The following ERC1 variants were observed in gnomAD, a reference collection of about 807,000 sequenced individuals.
The protein encoded by ERC1 is RAB6 interacting protein 2.
ERC1 carries 56 observed loss-of-function variants against 132.0 expected under a neutral mutation model. That is an observed-to-expected ratio of 0.42 (90% CI 0.34 to 0.53). The LOEUF (loss-of-function observed/expected upper bound fraction) is 0.53, where lower values mean the gene tolerates loss of function less well. Ranked by LOEUF, ERC1 falls within the 20% of genes least tolerant of loss-of-function variation. The pLI is 0.03. For missense variants in ERC1, 1,202 were observed against 1,349.9 expected (o/e 0.89, Z 1.72); for synonymous variants, 478 against 476.1 (o/e 1.00, Z -0.05).
chr12:1,374,201 C>T (rs941142798), intron 16 of ERC1, among the ~76,000 whole-genome samples: 2 of 152,210 alleles, frequency 1.3e-5, no homozygotes, highest in Non-Finnish European at 2.9e-5. Flanking sequence ...AGGCTATTTC[C>T]TAACAGGGAA....
chr12:994,274 CAT>C (rs1960329970), intron 1 of ERC1, among the ~76,000 whole-genome samples: 3 of 152,010 alleles, frequency 2.0e-5, no homozygotes, highest in Admixed American at 6.5e-5. Context: ...TTTTCAGAGA[CAT>C]ATAGTAAAAT....
At chr12:1,485,527 G>A (rs566993728) in intron 18 of ERC1, among the ~76,000 whole-genome samples, 1 of 151,972 alleles carries the variant, frequency 6.6e-6, no homozygotes, top group East Asian at 1.9e-4. Context: ...ATGAAATTGG[G>A]TATTATTTTT....
At chr12:1,231,532 T>C (rs965344238) in intron 12 of ERC1, among the ~76,000 whole-genome samples, 5 of 152,228 alleles carry the variant, frequency 3.3e-5, no homozygotes, top group Non-Finnish European at 7.3e-5. Flanking sequence ...TAATGTGTTT[T>C]CATGTTTTTA....
At chr12:1,476,763 G>A (rs2093982405) in intron 18 of ERC1, among the ~76,000 whole-genome samples, 1 of 152,058 alleles carries the variant, frequency 6.6e-6, no homozygotes, top group African/African-American at 2.4e-5. Context: ...TTTGACTCGG[G>A]AATTTTAAGT....
At chr12:1,350,826 G>T (rs1255386038) in intron 15 of ERC1, among the ~76,000 whole-genome samples, 1 of 152,194 alleles carries the variant, frequency 6.6e-6, no homozygotes, top group Non-Finnish European at 1.5e-5. Context: ...TCTGGCAAGG[G>T]CTTTCATGCT....
chr12:1,470,509 A>C (rs146856469), intron 18 of ERC1, among the ~76,000 whole-genome samples: 2 of 151,268 alleles, frequency 1.3e-5, no homozygotes, highest in African/African-American at 4.9e-5. Context: ...GAGCCAAACC[A>C]AATACGCTAG....
rs530992918 is a variant in ERC1 at position 1,023,968 on chromosome 12, G to A, written c.-156-3780G>A. ...TTCCATCAGAATAGAGGAAGTTAAG[G>A]ATGGTTGTTGCTGTCAATGAACATG... On this transcript the variant is annotated intron_variant, in intron 1 of 18. Transcript: ENST00000360905. Among the ~76,000 whole-genome samples the A allele has an allele frequency of 2.6e-5, 4 of 152,326 alleles. No homozygotes were observed. The East Asian group carries it at 7.7e-4, about 29-fold the overall frequency.
chr12:1,034,809 C>T (rs1365550407), intron 2 of ERC1, among the ~76,000 whole-genome samples: 3 of 152,150 alleles, frequency 2.0e-5, no homozygotes, highest in African/African-American at 7.2e-5. Flanking sequence ...ACGTAATATC[C>T]TTTCTAAGTA....
At chr12:1,238,557 A>G (rs575974707) in intron 13 of ERC1, among the ~76,000 whole-genome samples, 3 of 152,256 alleles carry the variant, frequency 2.0e-5, no homozygotes, top group African/African-American at 7.2e-5. Context: ...TCATGAAATT[A>G]ATGATGAGTC....
intron 12 of ERC1, among the ~76,000 whole-genome samples, chr12:1,227,981 C>T (rs1458715410): frequency 6.6e-6 from 1 of 152,122 alleles, no homozygotes; most frequent in African/African-American, 2.4e-5. Context: ...GCATTTATTT[C>T]TGGGTTTTCT....
chr12:1,256,027 G>C (rs1178439343), intron 13 of ERC1, among the ~76,000 whole-genome samples: 2 of 151,976 alleles, frequency 1.3e-5, no homozygotes, highest in Non-Finnish European at 2.9e-5. Context: ...AAGTCTGTTG[G>C]CTACATAAAT....
intron 12 of ERC1, among the ~76,000 whole-genome samples, chr12:1,232,879 C>A (rs2075148352): frequency 6.6e-6 from 1 of 150,910 alleles, no homozygotes; most frequent in Admixed American, 6.6e-5. Context: ...TAACTGTAAA[C>A]CGAATACATG....
At chr12:1,467,946 A>G (rs1025687135) in intron 18 of ERC1, among the ~76,000 whole-genome samples, 3 of 152,220 alleles carry the variant, frequency 2.0e-5, no homozygotes, top group Middle Eastern at 3.2e-3. Context: ...AATGCACGCA[A>G]TGGAGAGCGG....
intron 8 of ERC1, among the ~76,000 whole-genome samples, chr12:1,164,291 T>A (rs1331668354): frequency 2.0e-5 from 2 of 100,824 alleles, no homozygotes; most frequent in East Asian, 4.3e-4. Context: ...GTTATTTTAT[T>A]TTGTTATTTT....
chr12:1,240,889 T>C (rs2075745870), intron 13 of ERC1, among the ~76,000 whole-genome samples: 1 of 152,182 alleles, frequency 6.6e-6, no homozygotes, highest in Admixed American at 6.5e-5. Flanking sequence ...TTTAAACATT[T>C]CCATGAGTTA....
intron 12 of ERC1, among the ~76,000 whole-genome samples, chr12:1,233,423 A>G (rs928719844): frequency 1.4e-5 from 2 of 142,872 alleles, no homozygotes; most frequent in African/African-American, 2.6e-5. Context: ...GTCAGCCAAC[A>G]TTGCGCCACT....
chr12:1,305,851 T>C (rs986970449), intron 15 of ERC1, among the ~76,000 whole-genome samples: 5 of 152,202 alleles, frequency 3.3e-5, no homozygotes, highest in South Asian at 2.1e-4. Flanking sequence ...TTTTTAGATA[T>C]ATATCTGTTG....
intron 15 of ERC1, among the ~76,000 whole-genome samples, chr12:1,345,940 C>A (rs766956): frequency 6.6e-6 from 1 of 151,894 alleles, no homozygotes; most frequent in Non-Finnish European, 1.5e-5. Flanking sequence ...TAGCTAGTTA[C>A]GAAATTCTTA....
intron 15 of ERC1, among the ~76,000 whole-genome samples, chr12:1,327,513 C>G (rs1382452480): frequency 6.6e-6 from 1 of 152,066 alleles, no homozygotes; most frequent in African/African-American, 2.4e-5. Flanking sequence ...CAGTACTTTC[C>G]TTGGTTTTCC....
Sources: gnomAD v4.1 joint callset for allele counts (sites outside exome capture counted in the v4.1 genomes callset) on GRCh38, gnomAD v4.1.1 for gene constraint, MANE v1.5 for transcripts, NCBI Gene and HGNC (gene_info 2026-07-23, HGNC 2026-07-21) for gene names.